The following MRAP variants were observed in gnomAD, a reference collection of about 807,000 sequenced individuals.
MRAP encodes melanocortin 2 receptor accessory protein.
In MRAP, 8 loss-of-function variants were observed where a neutral mutation model predicts 8.7. The observed-to-expected ratio is 0.92, with a 90% confidence interval of 0.54 to 1.66. The LOEUF (loss-of-function observed/expected upper bound fraction) is 1.66. MRAP is among the 40% of genes most tolerant of loss of function. The pLI, the probability that MRAP is intolerant of heterozygous loss-of-function variation, is 0.00. For missense variants in MRAP, 237 were observed against 217.1 expected (o/e 1.09, Z -0.58); for synonymous variants, 95 against 95.5 (o/e 1.00, Z 0.03).
chr21:32,304,752 T>C (rs940878354), intron 1 of MRAP, among the ~76,000 whole-genome samples: 58 of 152,204 alleles, frequency 3.8e-4, no homozygotes, highest in African/African-American at 1.3e-3. Context: ...TCTTAAACAG[T>C]TCCCTGCTCT....
downstream of MRAP, chr21:32,312,328 A>G: frequency 8.0e-7 from 1 of 1,255,784 alleles, no homozygotes; most frequent in Non-Finnish European, 1.0e-6. Flanking sequence ...CCACTTTACC[A>G]TTACTGTGTA....
intron 1 of MRAP, among the ~76,000 whole-genome samples, chr21:32,304,854 G>A (rs1264516425): frequency 2.6e-5 from 4 of 151,574 alleles, no homozygotes; most frequent in African/African-American, 4.9e-5. Flanking sequence ...CCCGTGGAGT[G>A]TAAATGCCAA....
upstream of MRAP, among the ~76,000 whole-genome samples, chr21:32,297,182 A>G (rs2032155396): frequency 6.6e-6 from 1 of 152,234 alleles, no homozygotes; most frequent in Admixed American, 6.5e-5. Context: ...GTTAATCAGC[A>G]TAAGCCACTT....
In MRAP at chr21:32,306,531, C is replaced by T. The variant is rs762996046; in HGVS notation, c.107-109C>T. ...TAACAGCTGAGAGGCTGGAGGACAA[C>T]CGAAACTCAGGGCCCTCATTCCACA... is the stretch of plus-strand genomic sequence containing the variant. On this transcript the variant is annotated intron_variant, in intron 1 of 2. Coordinates refer to ENST00000303645, the MANE Select transcript of MRAP (RefSeq NM_001379228.1). 457 of 853,348 alleles carry T rather than the reference C, an allele frequency of 5.4e-4. 2 individuals carry two copies. Among genetic ancestry groups the T allele is most frequent in the Middle Eastern group, 3.7e-3 (14 of 3,784 alleles). 52.9% of individuals were successfully genotyped at this position (853,348 alleles called of 1,614,324 possible). A position where few individuals can be genotyped will look rare whatever the true frequency, so the allele number is the denominator to read the frequency against.
chr21:32,303,163 T>G (rs1047790031), intron 1 of MRAP, among the ~76,000 whole-genome samples: 18 of 152,034 alleles, frequency 1.2e-4, no homozygotes, highest in Admixed American at 3.3e-4. Context: ...TTTGTATTTT[T>G]AGTAGAGACG....
chr21:32,298,998 C>T lies in MRAP; in HGVS notation c.27C>T (p.Ala9=). MANGTNAS[A]PYYSYEYYLD... Reference sequence around the variant, plus strand: ...TGGCCAACGGGACCAACGCCTCTGCCCCATACTACAGCTATGAATACTACC... The same window carrying T: ...TGGCCAACGGGACCAACGCCTCTGCTCCATACTACAGCTATGAATACTACC... The change falls in exon 1 of 3, where the codon GCC becomes GCT. Residue 9 remains alanine, a synonymous_variant. Coordinates refer to ENST00000303645, the MANE Select transcript of MRAP (RefSeq NM_001379228.1). 2 of 1,614,156 alleles carry T rather than the reference C, an allele frequency of 1.2e-6. No individual in the cohort carries two copies. Among genetic ancestry groups the T allele is most frequent in the Non-Finnish European group, 1.7e-6 (2 of 1,179,998 alleles).
At chr21:32,314,116 T>C (rs2032638670), downstream of MRAP, 2 of 164,294 alleles carry the variant, frequency 1.2e-5, no homozygotes, top group Non-Finnish European at 2.7e-5. Context: ...AATTAAACAC[T>C]GGCAGAAATT....
intron 1 of MRAP, among the ~76,000 whole-genome samples, chr21:32,301,886 C>G (rs1249020989): frequency 6.6e-6 from 1 of 152,192 alleles, no homozygotes; most frequent in Admixed American, 6.5e-5. Context: ...CAACCAATTT[C>G]TCTGCACACA....
At position 32,302,207 on chromosome 21, in the gene MRAP, A is replaced by T. The variant is rs150589507; in HGVS notation, c.106+3130A>T. Among the ~76,000 whole-genome samples, 410 of 152,344 alleles carry T rather than the reference A, an allele frequency of 2.7e-3. 2 individuals carry two copies. The highest frequency in any genetic ancestry group is 0.021 in the East Asian group (108 of 5,178). Reference sequence around the variant, plus strand: ...GAGGATGAATTTTCTTTTTGGAAATAGTTAAGACTGACCCAGAAAAAAGTC... The same window carrying T: ...GAGGATGAATTTTCTTTTTGGAAATTGTTAAGACTGACCCAGAAAAAAGTC... On this transcript the variant is annotated intron_variant, in intron 1 of 2. Transcript: ENST00000303645.
chr21:32,312,395 G>T (rs1186600334), downstream of MRAP: 1 of 1,054,800 alleles, frequency 9.5e-7, no homozygotes, highest in Non-Finnish European at 1.2e-6. Flanking sequence ...AGGATGCTGG[G>T]TAAGTTCCCA....
At chr21:32,300,335 CA>C (rs1300416489) in intron 1 of MRAP, among the ~76,000 whole-genome samples, 8 of 152,060 alleles carry the variant, frequency 5.3e-5, no homozygotes, top group South Asian at 2.1e-4. Flanking sequence ...CATCCTATGT[CA>C]GGGGCGTCAC....
rs2032590515 is a variant in MRAP, at chr21:32,311,962, C to T, written c.485C>T (p.Pro162Leu). The T allele has an allele frequency of 6.2e-7, 1 of 1,613,486 alleles. No homozygotes were observed. ...PLVRSKPSEP[P>L]PGDRTSQLQS is the part of the protein sequence containing the mutation. ...GTCAGGAGCAAGCCCAGCGAGCCTC[C>T]CCCTGGAGACAGGACCTCTCAATTG... Residue 162 changes from proline (P) to leucine (L), a missense_variant, in exon 3 of 3, where the codon CCC becomes CTC. Pro to Leu is a moderately conservative substitution (Grantham distance 98, BLOSUM62 -3). Transcript: ENST00000303645.
At chr21:32,310,329 T>A (rs1377795241) in intron 2 of MRAP, among the ~76,000 whole-genome samples, 1 of 140,826 alleles carries the variant, frequency 7.1e-6, no homozygotes, top group African/African-American at 2.6e-5. Context: ...GCTGACACCT[T>A]CCCATGATGG....
chr21:32,307,012 C>T (rs1388664103), intron 2 of MRAP, among the ~76,000 whole-genome samples: 1 of 152,170 alleles, frequency 6.6e-6, no homozygotes, highest in Admixed American at 6.5e-5. Context: ...GCTCAACCTA[C>T]GTCCCTACAA....
upstream of MRAP, among the ~76,000 whole-genome samples, chr21:32,295,462 A>G (rs1286515163): frequency 1.3e-5 from 2 of 152,126 alleles, no homozygotes; most frequent in Non-Finnish European, 2.9e-5. Flanking sequence ...TTTTCTATCT[A>G]TTGGGATTCT....
chr21:32,300,663 G>T (rs1490771970), intron 1 of MRAP, among the ~76,000 whole-genome samples: 7 of 147,618 alleles, frequency 4.7e-5, no homozygotes, highest in Non-Finnish European at 9.0e-5. Context: ...GGCGTCACAC[G>T]TCCTATGTCG....
In MRAP at chr21:32,299,045, C is replaced by A. The variant is rs1244757208; in HGVS notation, c.74C>A (p.Pro25His). The A allele has an allele frequency of 4.3e-6, 7 of 1,614,022 alleles. No individual in the cohort carries two copies. In the Admixed American group the frequency reaches 1.0e-4, roughly 23 times the overall value. The change falls in exon 1 of 3, where the codon CCC (proline) becomes CAC (histidine). Residue 25 changes from proline to histidine, a missense_variant. Physicochemically the swap from Pro to His is moderately conservative, Grantham distance 77 (BLOSUM62 -2). Transcript: ENST00000303645. ...TACCTGGACTATCTGGACCTCATTCCCGTGGACGAGAAGAAGCTGAAAGCC... is the reference window on the plus strand; with the variant it reads ...TACCTGGACTATCTGGACCTCATTCACGTGGACGAGAAGAAGCTGAAAGCC... ...EYYLDYLDLI[P>H]VDEKKLKAHK...
chr21:32,294,670 A>G (rs1392204023), upstream of MRAP, among the ~76,000 whole-genome samples: 1 of 152,126 alleles, frequency 6.6e-6, no homozygotes, highest in Non-Finnish European at 1.5e-5. Context: ...ATCACTTTCG[A>G]TAAACAAATG....
Position 32,298,948 on chromosome 21 carries a change from C to A in MRAP, c.-24C>A, listed in dbSNP as rs775362566. 6.9e-6 allele frequency: 11 copies of A among 1,582,956 alleles called. No individual in the cohort carries two copies. The highest frequency in any genetic ancestry group is 9.5e-6 in the Non-Finnish European group (11 of 1,152,370). On this transcript the variant is annotated 5_prime_UTR_variant, in exon 1 of 3. Coordinates refer to ENST00000303645, the MANE Select transcript of MRAP (RefSeq NM_001379228.1). Reference sequence around the variant, plus strand: ...CTCGAGGCGAGGCTGCCGGCCCGGACGCTGACTGCCCAGTGCCACAGACAT... The same window carrying A: ...CTCGAGGCGAGGCTGCCGGCCCGGAAGCTGACTGCCCAGTGCCACAGACAT...
Sources: allele counts gnomAD v4.1 joint callset (sites outside exome capture counted in the v4.1 genomes callset), GRCh38; gene constraint gnomAD v4.1.1; transcripts MANE v1.5; gene names NCBI Gene and HGNC (gene_info 2026-07-23, HGNC 2026-07-21).